DNAH2: variants seen among roughly 807,000 people sequenced by gnomAD.
DNAH2 encodes axonemal beta dynein heavy chain 2.
Under a neutral mutation model 523.5 loss-of-function variants are expected in DNAH2, and 323 were observed. That is an observed-to-expected ratio of 0.62 (90% CI 0.56 to 0.68). DNAH2 has a LOEUF of 0.68. DNAH2 is among the 30% of genes least tolerant of loss of function. The probability of loss-of-function intolerance (pLI) is 0.00; values close to 1 mark genes in which losing one functional copy is unlikely to be tolerated. For synonymous variants in DNAH2, 2,093 were observed against 2,177.4 expected (o/e 0.96, Z 1.08); for missense variants, 4,907 against 5,701.5 (o/e 0.86, Z 4.49).
chr17:7,722,814 T>C (rs2074658590), intron 2 of DNAH2, among the ~76,000 whole-genome samples: 1 of 152,188 alleles, frequency 6.6e-6, no homozygotes, highest in Non-Finnish European at 1.5e-5. Flanking sequence ...TTGCCACCTT[T>C]TGCCTATTGT....
intron 77 of DNAH2, among the ~76,000 whole-genome samples, chr17:7,827,828 C>T (rs2078062867): frequency 6.6e-6 from 1 of 152,096 alleles, no homozygotes; most frequent in Admixed American, 6.5e-5. Flanking sequence ...ATCTGTAGTG[C>T]CTGCTCAGCC....
In DNAH2 at chr17:7,776,807, G is replaced by T; in HGVS notation, c.4976G>T (p.Trp1659Leu). The T allele has an allele frequency of 6.2e-7, 1 of 1,612,980 alleles. No homozygotes were observed. Among genetic ancestry groups the T allele is most frequent in the South Asian group, 1.1e-5 (1 of 91,024 alleles). Residue 1659 changes from tryptophan (W) to leucine (L), a missense_variant, in exon 32 of 86, where the codon TGG (tryptophan) becomes TTG (leucine). Coordinates refer to ENST00000572933, the MANE Select transcript of DNAH2 (RefSeq NM_020877.5). Reference protein sequence around the residue: ...QVVITASQIQWTADVTKCLLT... With the variant: ...QVVITASQIQLTADVTKCLLT... ...GTGATCACTGCCAGTCAGATCCAGT[G>T]GACGGCTGATGTCACCAAGTGCCTG... is the stretch of plus-strand genomic sequence containing the variant.
At chr17:7,739,964 G>A (rs751926793) in intron 9 of DNAH2, 26 bp downstream of exon 9, 16 of 1,611,302 alleles carry the variant, frequency 9.9e-6, no homozygotes, top group Non-Finnish European at 2.5e-6. Context: ...GCTGATGCCA[G>A]GCGTGGGCAG....
chr17:7,821,134 G>A lies in DNAH2; in HGVS notation c.11016-109G>A, dbSNP rs544700642. 54 of 1,452,780 alleles carry A rather than the reference G, an allele frequency of 3.7e-5. No individual in the cohort carries two copies. In the South Asian group the frequency reaches 6.9e-4, roughly 19 times the overall value. 90.0% of individuals were successfully genotyped at this position (1,452,780 alleles called of 1,614,324 possible). A position where few individuals can be genotyped will look rare whatever the true frequency, so the allele number is the denominator to read the frequency against. On this transcript the variant is annotated intron_variant, in intron 72 of 85. Coordinates refer to ENST00000572933, the MANE Select transcript of DNAH2 (RefSeq NM_020877.5). The surrounding 1 kb of genome is among the most constrained non-coding windows in gnomAD (Gnocchi z 5.0). ...TTCCAGGAGGTTAGGATTAGAGGCT[G>A]GTGAGGTCCTCTGTGTGAAGCTGTG... is the stretch of plus-strand genomic sequence containing the variant.
chr17:7,798,552 G>T lies in DNAH2; in HGVS notation c.8399-6G>T. The stretch of plus-strand genomic sequence containing the variant: ...TGAGTTTGTCCTCCTTCCCTCCCCC[G>T]GCCAGATATCAAGCGTCTGTATCGC... On this transcript the variant is annotated splice_region_variant and splice_polypyrimidine_tract_variant and intron_variant, in intron 54 of 85. Transcript: ENST00000572933. This position sits in a 1 kb window ranked among gnomAD's most constrained non-coding sequence, Gnocchi z 5.5. 2 of 1,613,686 alleles carry T rather than the reference G, an allele frequency of 1.2e-6. No homozygotes were observed. The highest frequency in any genetic ancestry group is 1.7e-5 in the Admixed American group (1 of 59,994).
In DNAH2 at chr17:7,765,534, A is replaced by G. The variant is rs765163640; in HGVS notation, c.3480A>G (p.Ala1160=). 6.8e-6 allele frequency: 11 copies of G among 1,614,114 alleles called. No homozygotes were observed. The highest frequency in any genetic ancestry group is 9.3e-6 in the Non-Finnish European group (11 of 1,179,976). Residue 1160 remains alanine, a synonymous_variant, in exon 21 of 86, where the codon GCA becomes GCG. Coordinates refer to ENST00000572933, the MANE Select transcript of DNAH2 (RefSeq NM_020877.5). ...CGGCAGATGACTTCAAGAAGAAAGC[A>G]CATACACTTCTGGAAGATTTCGAAT... ...IHSADDFKKK[A]HTLLEDFEFK...
chr17:7,818,539 G>A lies in DNAH2; in HGVS notation c.10536+79G>A. 4 of 1,603,072 alleles carry A rather than the reference G, an allele frequency of 2.5e-6. No individual in the cohort carries two copies. In the South Asian group the frequency reaches 3.3e-5, roughly 13 times the overall value. Reference sequence around the variant, plus strand: ...AAGGATTGAGAAAAGGGATAAGCTTGTGTTGGGCAGCTGAGGATGAGGGGT... The same window carrying A: ...AAGGATTGAGAAAAGGGATAAGCTTATGTTGGGCAGCTGAGGATGAGGGGT... On this transcript the variant is annotated intron_variant, in intron 69 of 85. Transcript: ENST00000572933.
At position 7,823,452 on chromosome 17, in the gene DNAH2, G is replaced by A. The variant is rs989834313; in HGVS notation, c.11153G>A (p.Arg3718Gln). 14 of 1,613,512 alleles carry A rather than the reference G, an allele frequency of 8.7e-6. No individual in the cohort carries two copies. The highest frequency in any genetic ancestry group is 2.7e-5 in the African/African-American group (2 of 74,744). Residue 3718 changes from arginine to glutamine, a missense_variant, in exon 74 of 86, where the codon CGG (arginine) becomes CAG (glutamine). Around this residue, in one of 3 missense-constraint regions of DNAH2, gnomAD observed 1,851 missense variants for 2,139.4 expected, o/e 0.87. Coordinates refer to ENST00000572933, the MANE Select transcript of DNAH2 (RefSeq NM_020877.5). ...CCCTTCTCCCACCAGGTCTTGGATCGGGAGGGCCAAATGGACAATCCATGT... is the reference window on the plus strand; with the variant it reads ...CCCTTCTCCCACCAGGTCTTGGATCAGGAGGGCCAAATGGACAATCCATGT... ...FFLRGGVVLD[R>Q]EGQMDNPCSS...
rs778141209 is a variant in DNAH2 at position 7,778,295 on chromosome 17, G to A, written c.5367G>A (p.Leu1789=). 6 of 1,614,136 alleles carry A rather than the reference G, an allele frequency of 3.7e-6. No homozygotes were observed. Among genetic ancestry groups the A allele is most frequent in the Admixed American group, 1.7e-5 (1 of 60,026 alleles). The change falls in exon 35 of 86, where the codon CTG becomes CTA. Residue 1789 remains leucine (L), a synonymous_variant. Coordinates refer to ENST00000572933, the MANE Select transcript of DNAH2 (RefSeq NM_020877.5). ...TPLTDRCYMT[L]TTALHLHRGG... ...CAATTCTCAGGTGTTACATGACACT[G>A]ACCACGGCATTGCACCTGCACCGAG...
chr17:7,766,705 T>G (rs1329417888), intron 22 of DNAH2, among the ~76,000 whole-genome samples: 3 of 138,998 alleles, frequency 2.2e-5, no homozygotes, highest in African/African-American at 8.0e-5. Flanking sequence ...TGGAGTGCAG[T>G]GGCACAATCT....
rs2151346613 is a variant in DNAH2 at position 7,828,576 on chromosome 17, T to A, written c.11854-1724T>A. 6.6e-6 allele frequency among the ~76,000 whole-genome samples: 1 copy of A among 152,266 alleles called. No homozygotes were observed. The highest frequency in any genetic ancestry group is 2.1e-4 in the South Asian group (1 of 4,828). ...CTGTTCCCAGCCTCCATTTATTATT[T>A]ATTTTAATAAAATTCTGTAATGTTC... On this transcript the variant is annotated intron_variant, in intron 77 of 85. Coordinates refer to ENST00000572933, the MANE Select transcript of DNAH2 (RefSeq NM_020877.5). This position sits in a 1 kb window ranked among gnomAD's most constrained non-coding sequence, Gnocchi z 4.1.
At chr17:7,719,625 C>T (rs963451923) in intron 1 of DNAH2, 96 bp from the exon 2 acceptor site, 124 of 1,452,038 alleles carry the variant, frequency 8.5e-5, no homozygotes, top group Non-Finnish European at 1.2e-4. Context: ...TATTGAGTTT[C>T]AGTCAATTTA....
rs144296479 is a variant in DNAH2, at chr17:7,751,043, G to A, written c.1905-6048G>A. Among the ~76,000 whole-genome samples, 191 of 152,184 alleles carry A rather than the reference G, an allele frequency of 1.3e-3. 1 individual carries two copies. The highest frequency in any genetic ancestry group is 4.2e-3 in the African/African-American group (173 of 41,516). Reference sequence around the variant, plus strand: ...AGTTTCTTGAGCATATCTTCAGGTCGTGGGAATGTTTATCCTTTGTGATTA... The same window carrying A: ...AGTTTCTTGAGCATATCTTCAGGTCATGGGAATGTTTATCCTTTGTGATTA... On this transcript the variant is annotated intron_variant, in intron 12 of 85. Transcript: ENST00000572933.
intron 63 of DNAH2, among the ~76,000 whole-genome samples, chr17:7,810,254 G>A (rs1198343967): frequency 1.3e-5 from 2 of 151,568 alleles, no homozygotes; most frequent in East Asian, 1.9e-4. Flanking sequence ...TTGTAGAGAC[G>A]GGGTTTCACC....
chr17:7,787,437 C>A, intron 42 of DNAH2: 1 of 267,122 alleles, frequency 3.7e-6, no homozygotes, highest in South Asian at 6.4e-5. Context: ...GCTCTAGTTT[C>A]TTTTAAAGCA....
At chr17:7,720,416 G>A (rs1264185705) in intron 2 of DNAH2, among the ~76,000 whole-genome samples, 1 of 152,172 alleles carries the variant, frequency 6.6e-6, no homozygotes, top group Non-Finnish European at 1.5e-5. Flanking sequence ...GGTAGACTGC[G>A]GAGGTTCAGG....
At chr17:7,827,617 G>C (rs925737771) in intron 77 of DNAH2, among the ~76,000 whole-genome samples, 4 of 151,758 alleles carry the variant, frequency 2.6e-5, no homozygotes, top group African/African-American at 2.4e-5. Flanking sequence ...AGCTAATTTT[G>C]TTATTTTTTG....
In DNAH2 at chr17:7,796,618, T is replaced by C. The variant is rs778833694; in HGVS notation, c.7829T>C (p.Met2610Thr). 2.5e-6 allele frequency: 4 copies of C among 1,612,584 alleles called. No individual in the cohort carries two copies. Among genetic ancestry groups the C allele is most frequent in the Non-Finnish European group, 3.4e-6 (4 of 1,179,666 alleles). The change falls in exon 50 of 86, where the codon ATG becomes ACG. Residue 2610 changes from methionine (M) to threonine (T), a missense_variant. Physicochemically the swap from Met to Thr is moderately conservative, Grantham distance 81 (BLOSUM62 -1). Around this residue, in one of 3 missense-constraint regions of DNAH2, gnomAD observed 250 missense variants for 371.3 expected, o/e 0.67. Transcript: ENST00000572933. ...CGCTTCCTGCCCACGCCCACCAAGA[T>C]GCATTACCTCTTCAACCTTCGAGAC... ...VQRFLPTPTK[M>T]HYLFNLRDIS...
chr17:7,827,127 G>A (rs1205908618), intron 77 of DNAH2, among the ~76,000 whole-genome samples: 2 of 151,930 alleles, frequency 1.3e-5, no homozygotes, highest in Admixed American at 6.6e-5. Flanking sequence ...TGTTCTTCGC[G>A]TTTTGTAGTT....
Sources: gnomAD v4.1 joint callset for allele counts (sites outside exome capture counted in the v4.1 genomes callset) on GRCh38, gnomAD v4.1.1 for gene constraint, gnomAD v4.1.1 regional missense constraint, Gnocchi (gnomAD v3.1) non-coding constraint, MANE v1.5 for transcripts, NCBI Gene and HGNC (gene_info 2026-07-23, HGNC 2026-07-21) for gene names.